Variants in CARS2 observed in about 807,000 individuals in gnomAD.
CARS2 encodes probable cysteine--tRNA ligase, mitochondrial.
In CARS2, 52 loss-of-function variants were observed where a neutral mutation model predicts 68.8. The ratio of observed to expected loss-of-function variants is 0.76; its 90% CI spans 0.61 to 0.95. CARS2 has a LOEUF of 0.95. CARS2 is among the 40% of genes least tolerant of loss of function. CARS2 has a pLI of 0.00. For missense variants in CARS2, 780 were observed against 754.2 expected, an observed-to-expected ratio of 1.03 and a Z score of -0.40; for synonymous variants, 314 against 303.6, an observed-to-expected ratio of 1.03 and a Z score of -0.36.
chr13:110,690,079 T>A (rs1566328865), intron 3 of CARS2, among the ~76,000 whole-genome samples: 1 of 151,854 alleles, frequency 6.6e-6, no homozygotes, highest in Non-Finnish European at 1.5e-5. Context: ...ATACAAAAAA[T>A]CAGCTGAGCG....
At chr13:110,652,102 A>T (rs924901381) in intron 9 of CARS2, among the ~76,000 whole-genome samples, 6 of 152,242 alleles carry the variant, frequency 3.9e-5, no homozygotes, top group African/African-American at 1.4e-4. Flanking sequence ...ATGCCTGTCC[A>T]CTGCGCAGGA....
chr13:110,711,926 C>T (rs2064031736), intron 1 of CARS2, among the ~76,000 whole-genome samples: 1 of 152,224 alleles, frequency 6.6e-6, no homozygotes, highest in East Asian at 1.9e-4. Flanking sequence ...TACTGGATTA[C>T]ACAGAATACG....
At chr13:110,644,171 A>G (rs1887781184) in intron 13 of CARS2, 4 of 1,454,602 alleles carry the variant, frequency 2.7e-6, no homozygotes, top group Non-Finnish European at 2.7e-6. Flanking sequence ...TCTGCGCACG[A>G]GAGTTTGCCA....
At chr13:110,652,033 G>A (rs189598166) in intron 9 of CARS2, among the ~76,000 whole-genome samples, 5 of 152,352 alleles carry the variant, frequency 3.3e-5, no homozygotes, top group Non-Finnish European at 5.9e-5. Context: ...ACATGGTGCC[G>A]GCTCTGACCA....
intron 3 of CARS2, among the ~76,000 whole-genome samples, chr13:110,692,146 A>C (rs2063487906): frequency 6.6e-6 from 1 of 150,678 alleles, no homozygotes; most frequent in African/African-American, 2.4e-5. Context: ...ATATGAGAAA[A>C]CAAAAACCTT....
chr13:110,691,987 G>GAAA (rs36121848), intron 3 of CARS2, among the ~76,000 whole-genome samples: 32,361 of 76,820 alleles, frequency 0.42, 8,060 homozygotes, highest in Non-Finnish European at 0.54. Context: ...AAGCTGTGCA[G>GAAA]AAAAAAAAAA....
intron 10 of CARS2, chr13:110,650,238 C>T (rs55845419): frequency 0.11 from 16,514 of 152,086 alleles, 1,341 homozygotes; most frequent in African/African-American, 0.22. Context: ...GCTGGGATTA[C>T]AGGCACACAT....
rs115369315 is a variant in CARS2, at chr13:110,682,206, T to C, written c.655+845A>G. Among the ~76,000 whole-genome samples, 947 of 152,268 alleles carry C rather than the reference T, an allele frequency of 6.2e-3. 9 individuals are homozygous for C. The highest frequency in any genetic ancestry group is 0.021 in the African/African-American group (875 of 41,534). On this transcript the variant is annotated intron_variant, in intron 6 of 14. Coordinates refer to ENST00000257347, the MANE Select transcript of CARS2 (RefSeq NM_024537.4). ...AGCTAAAATGGCTCTAAAAAGCAAA[T>C]CTATTAAATAAATAATTTTAAAAAA...
intron 5 of CARS2, 123 bp from the exon 6 acceptor site, chr13:110,683,257 A>G (rs1225212899): frequency 1.8e-6 from 1 of 540,992 alleles, no homozygotes; most frequent in African/African-American, 2.0e-5. Flanking sequence ...CCCCATATAC[A>G]TATATAGTAT....
upstream of CARS2, among the ~76,000 whole-genome samples, chr13:110,708,217 G>A (rs1226464849): frequency 1.3e-5 from 2 of 152,210 alleles, no homozygotes; most frequent in African/African-American, 4.8e-5. Context: ...CTTGTTGAAT[G>A]TTGATGAATT....
Position 110,676,954 on chromosome 13 carries a change from G to A in CARS2, c.785+20C>T. 6.6e-7 allele frequency: 1 copy of A among 1,515,208 alleles called. No individual in the cohort carries two copies. Among genetic ancestry groups the A allele is most frequent in the Non-Finnish European group, 8.9e-7 (1 of 1,124,682 alleles). The allele number at this position is 1,515,208 out of a possible 1,614,324, so 93.9% of individuals were successfully genotyped here. The stretch of plus-strand genomic sequence containing the variant: ...AGGGGAACTTGAGCCCCAACCCCCA[G>A]GAAGCGGCAGGCACCTTACCTAGCG... On this transcript the variant is annotated intron_variant, in intron 7 of 14. Coordinates refer to ENST00000257347, the MANE Select transcript of CARS2 (RefSeq NM_024537.4). This position sits in a 1 kb window ranked among gnomAD's most constrained non-coding sequence, Gnocchi z 4.0.
At position 110,706,069 on chromosome 13, in the gene CARS2, C is replaced by A. The variant is rs1465681823; in HGVS notation, c.25G>T (p.Gly9Cys). ...GCCTGGAGCAGCGGGGGGCCCAGGCCTGGGCCGCGCGTAGTCCTCAACATG... is the reference window on the plus strand; with the variant it reads ...GCCTGGAGCAGCGGGGGGCCCAGGCATGGGCCGCGCGTAGTCCTCAACATG... MLRTTRGP[G>C]LGPPLLQAAL... Residue 9 changes from glycine (G) to cysteine (C), a missense_variant, in exon 1 of 15, where the codon GGC becomes TGC. Physicochemically the swap from Gly to Cys is radical, Grantham distance 159. Transcript: ENST00000257347. 1.5e-6 allele frequency: 2 copies of A among 1,348,320 alleles called. No homozygotes were observed. The highest frequency in any genetic ancestry group is 1.9e-6 in the Non-Finnish European group (2 of 1,050,560). The allele number at this position is 1,348,320 out of a possible 1,614,324, so 83.5% of individuals were successfully genotyped here. A position where few individuals can be genotyped will look rare whatever the true frequency, so the allele number is the denominator to read the frequency against.
chr13:110,663,961 ACTTG>A, intron 8 of CARS2: 1 of 990,862 alleles, frequency 1.0e-6, no homozygotes, highest in Non-Finnish European at 1.2e-6. Context: ...ACAGAGTGGC[ACTTG>A]TGGGTCTCTG....
Position 110,676,159 on chromosome 13 carries a change from C to CA in CARS2, c.785+814dup, listed in dbSNP as rs969126009. ...AGAAGAGTGAACCTCCGTCTCAAAA[C>CA]AAAAAAACAGGAACATGAAACTAAC... On this transcript the variant is annotated intron_variant, in intron 7 of 14. Transcript: ENST00000257347. The surrounding 1 kb of genome is among the most constrained non-coding windows in gnomAD (Gnocchi z 4.0). Among the ~76,000 whole-genome samples the CA allele has an allele frequency of 8.6e-5, 13 of 151,998 alleles. No homozygotes were observed. Among genetic ancestry groups the CA allele is most frequent in the Non-Finnish European group, 1.5e-4 (10 of 67,954 alleles).
At chr13:110,707,055 A>G (rs577042243), upstream of CARS2, among the ~76,000 whole-genome samples, 1 of 150,498 alleles carries the variant, frequency 6.6e-6, no homozygotes, top group South Asian at 2.1e-4. Flanking sequence ...TACAGTGTGC[A>G]CCCCTAATAC....
intron 9 of CARS2, among the ~76,000 whole-genome samples, chr13:110,662,120 G>T (rs1227862943): frequency 2.0e-5 from 3 of 152,250 alleles, no homozygotes; most frequent in Non-Finnish European, 2.9e-5. Context: ...TGCGAAGTGC[G>T]GTCAAGTGAA....
intron 8 of CARS2, chr13:110,664,048 T>C: frequency 1.0e-6 from 1 of 985,386 alleles, no homozygotes; most frequent in South Asian, 4.7e-5. Flanking sequence ...TTTCATCCCC[T>C]ATGTATGTGA....
At chr13:110,709,279 A>G (rs747962737), upstream of CARS2, among the ~76,000 whole-genome samples, 30 of 151,896 alleles carry the variant, frequency 2.0e-4, 1 homozygote, top group Non-Finnish European at 3.5e-4. Flanking sequence ...TTTTTAGTAC[A>G]GATGGGGTTT....
At chr13:110,701,399 C>T in intron 3 of CARS2, 39 bp downstream of exon 3, 1 of 951,916 alleles carries the variant, frequency 1.1e-6, no homozygotes, top group Non-Finnish European at 1.7e-6. Context: ...GAACACTAAT[C>T]AATGGCATTA....
Sources: allele counts gnomAD v4.1 joint callset (sites outside exome capture counted in the v4.1 genomes callset), GRCh38; gene constraint gnomAD v4.1.1; non-coding constraint Gnocchi (gnomAD v3.1); transcripts MANE v1.5; gene names NCBI Gene and HGNC (gene_info 2026-07-23, HGNC 2026-07-21).